PHLDB2: variants seen among roughly 807,000 people sequenced by gnomAD.
The protein encoded by PHLDB2 is pleckstrin homology like domain family B member 2, also known as pleckstrin homology-like domain family B member 2.
Under a neutral mutation model 123.6 loss-of-function variants are expected in PHLDB2, and 71 were observed. The ratio of observed to expected loss-of-function variants is 0.57; its 90% CI spans 0.47 to 0.70. The LOEUF (loss-of-function observed/expected upper bound fraction) is 0.70. Among genes scored for constraint, PHLDB2 ranks in the 30% least tolerant of loss-of-function variants. PHLDB2 has a pLI of 0.00. For synonymous variants in PHLDB2, 547 were observed against 541.6 expected (o/e 1.01, Z -0.14); for missense variants, 1,446 against 1,519.5 (o/e 0.95, Z 0.80).
intron 1 of PHLDB2, among the ~76,000 whole-genome samples, chr3:111,756,152 A>T (rs1330055237): frequency 2.0e-5 from 3 of 152,084 alleles, no homozygotes; most frequent in South Asian, 4.2e-4. Context: ...TGGAGAGTTC[A>T]GTAGATGTCT....
At chr3:111,856,978 A>G (rs2064539551), upstream of PHLDB2, among the ~76,000 whole-genome samples, 1 of 152,220 alleles carries the variant, frequency 6.6e-6, no homozygotes, top group African/African-American at 2.4e-5. Context: ...AGCAGGCCTG[A>G]GCAACACGGT....
At chr3:111,890,983 T>C (rs2066449937) in intron 2 of PHLDB2, among the ~76,000 whole-genome samples, 1 of 152,172 alleles carries the variant, frequency 6.6e-6, no homozygotes. Context: ...TAAGAGTGAC[T>C]AAGTACAAGT....
chr3:111,736,827 C>CA (rs2059516402), intron 1 of PHLDB2, among the ~76,000 whole-genome samples: 1 of 152,046 alleles, frequency 6.6e-6, no homozygotes. Flanking sequence ...TCCTTAAAGG[C>CA]AAAAAATCTT....
chr3:111,929,910 ATTTT>A (rs34482002), intron 5 of PHLDB2, among the ~76,000 whole-genome samples: 5 of 123,040 alleles, frequency 4.1e-5, no homozygotes, highest in African/African-American at 5.7e-5. Context: ...TAAATATAAG[ATTTT>A]TTTTTTTTTT....
intron 1 of PHLDB2, among the ~76,000 whole-genome samples, chr3:111,823,410 T>G (rs2062500099): frequency 6.6e-6 from 1 of 152,224 alleles, no homozygotes. Context: ...TCGTAGTGCT[T>G]GAAGGAAGGT....
chr3:111,912,315 A>T (rs2067931572), intron 2 of PHLDB2, among the ~76,000 whole-genome samples: 1 of 152,196 alleles, frequency 6.6e-6, no homozygotes. Flanking sequence ...TGCCTGTTGC[A>T]TGGGGAGTCT....
chr3:111,851,044 A>C (rs2064227971), intron 2 of PHLDB2, among the ~76,000 whole-genome samples: 1 of 149,086 alleles, frequency 6.7e-6, no homozygotes, highest in Non-Finnish European at 1.5e-5. Context: ...AAATACAAAA[A>C]ATTAGCTGGG....
At chr3:111,943,009 G>T (rs921965393) in intron 8 of PHLDB2, among the ~76,000 whole-genome samples, 18 of 152,036 alleles carry the variant, frequency 1.2e-4, no homozygotes, top group Non-Finnish European at 1.3e-4. Flanking sequence ...ACTAATTTCA[G>T]TGTTCGTGGC....
chr3:111,828,921 T>G (rs2062801686), intron 1 of PHLDB2, among the ~76,000 whole-genome samples: 1 of 152,194 alleles, frequency 6.6e-6, no homozygotes, highest in African/African-American at 2.4e-5. Context: ...TATGAAGACA[T>G]CACAGTGGTC....
intron 1 of PHLDB2, among the ~76,000 whole-genome samples, chr3:111,862,044 G>GTTGGTC (rs1157365710): frequency 6.6e-6 from 1 of 152,188 alleles, no homozygotes; most frequent in African/African-American, 2.4e-5. Context: ...ATTTTGCCAT[G>GTTGGTC]TTGGTCAGGC....
chr3:111,902,113 A>T (rs1262438409), intron 2 of PHLDB2, among the ~76,000 whole-genome samples: 1 of 152,240 alleles, frequency 6.6e-6, no homozygotes, highest in Non-Finnish European at 1.5e-5. Flanking sequence ...GCAAAAAGTC[A>T]TCAGGAAAAG....
At chr3:111,941,800 C>T (rs898761001) in intron 8 of PHLDB2, among the ~76,000 whole-genome samples, 1 of 106,314 alleles carries the variant, frequency 9.4e-6, no homozygotes, top group African/African-American at 3.1e-5. Flanking sequence ...GAGTGAGACC[C>T]TGTCTCAAAA....
intron 1 of PHLDB2, among the ~76,000 whole-genome samples, chr3:111,828,294 C>T (rs1168402888): frequency 7.2e-5 from 11 of 152,192 alleles, no homozygotes; most frequent in Admixed American, 7.2e-4. Flanking sequence ...TGCCCTGCCC[C>T]AGCCCCAATA....
At chr3:111,883,211 G>A (rs1175104193) in intron 1 of PHLDB2, among the ~76,000 whole-genome samples, 1 of 152,122 alleles carries the variant, frequency 6.6e-6, no homozygotes, top group Non-Finnish European at 1.5e-5. Context: ...TAAAACTTTA[G>A]TGTTTTAAGT....
At chr3:111,777,762 G>A (rs2060291809) in intron 1 of PHLDB2, among the ~76,000 whole-genome samples, 2 of 152,084 alleles carry the variant, frequency 1.3e-5, no homozygotes, top group African/African-American at 4.8e-5. Flanking sequence ...CACATGAGCT[G>A]AATTTCATCT....
At position 111,884,690 on chromosome 3, in the gene PHLDB2, C is replaced by G; in HGVS notation, c.613C>G (p.Pro205Ala). ...GGGAGCCGCAAGCATGCCTTCAAGC[C>G]CAAAGCAAGCCAGGAAAATGAGCAT... ...RSGAASMPSS[P>A]KQARKMSIQD... The change falls in exon 2 of 18, where the codon CCA (proline) becomes GCA (alanine). Residue 205 changes from proline (P) to alanine (A), a missense_variant. This residue lies in a region of PHLDB2 where 832 missense variants were observed against 831.9 expected (regional missense o/e 1.00). Coordinates refer to ENST00000431670, the MANE Select transcript of PHLDB2 (RefSeq NM_001134438.2). 6.2e-7 allele frequency: 1 copy of G among 1,614,102 alleles called. No individual in the cohort carries two copies.
chr3:111,966,665 C>G lies in PHLDB2; in HGVS notation c.3130C>G (p.Gln1044Glu), dbSNP rs182693468. ...AGAAGAAATGGAGAGACTTTTGAAG[C>G]AGGCTCATGCAGAAAAGACGCGGCT... ...RIEEMERLLK[Q>E]AHAEKTRLLE... The change falls in exon 14 of 18, where the codon CAG (glutamine) becomes GAG (glutamate). Residue 1044 changes from glutamine (Q) to glutamate (E), a missense_variant. Gln to Glu is a conservative substitution (Grantham distance 29, BLOSUM62 2). This residue lies in a region of PHLDB2 where 594 missense variants were observed against 646.0 expected (regional missense o/e 0.92). Transcript: ENST00000431670. The G allele has an allele frequency of 3.1e-6, 5 of 1,613,414 alleles. No individual in the cohort carries two copies. Among genetic ancestry groups the G allele is most frequent in the African/African-American group, 2.7e-5 (2 of 74,956 alleles).
intron 1 of PHLDB2, among the ~76,000 whole-genome samples, chr3:111,746,669 G>A (rs2059686737): frequency 6.6e-6 from 1 of 152,158 alleles, no homozygotes; most frequent in Non-Finnish European, 1.5e-5. Context: ...GGAGGCTGAG[G>A]AAGGAAGATA....
At chr3:111,859,786 C>G (rs928620395) in intron 1 of PHLDB2, 48 of 985,338 alleles carry the variant, frequency 4.9e-5, no homozygotes, top group Non-Finnish European at 5.7e-5. Flanking sequence ...GGCCGGCGGG[C>G]TCACGGAGGG....
Sources: gnomAD v4.1 joint callset for allele counts (sites outside exome capture counted in the v4.1 genomes callset) on GRCh38, gnomAD v4.1.1 for gene constraint, gnomAD v4.1.1 regional missense constraint, MANE v1.5 for transcripts, NCBI Gene and HGNC (gene_info 2026-07-23, HGNC 2026-07-21) for gene names.